Variants in FAM110B observed in about 807,000 individuals in gnomAD.
The protein encoded by FAM110B is family with sequence similarity 110 member B.
Under a neutral mutation model 20.4 loss-of-function variants are expected in FAM110B, and 6 were observed. The ratio of observed to expected loss-of-function variants is 0.29; its 90% confidence interval spans 0.16 to 0.58. FAM110B has a LOEUF of 0.58. Ranked by LOEUF, FAM110B falls within the 20% of genes least tolerant of loss-of-function variation. The pLI, the probability that FAM110B is intolerant of heterozygous loss-of-function variation, is 0.90. For missense variants in FAM110B, 434 were observed against 498.2 expected, an observed-to-expected ratio of 0.87 and a Z score of 1.23; for synonymous variants, 226 against 214.1, an observed-to-expected ratio of 1.06 and a Z score of -0.49.
intron 3 of FAM110B, among the ~76,000 whole-genome samples, chr8:58,094,042 C>T (rs926352206): frequency 1.8e-4 from 28 of 152,206 alleles, no homozygotes; most frequent in South Asian, 2.1e-4. Flanking sequence ...TGATTTGGCT[C>T]TCTGTTTGTC....
chr8:58,019,190 T>C (rs939715622), intron 1 of FAM110B, among the ~76,000 whole-genome samples: 1 of 151,570 alleles, frequency 6.6e-6, no homozygotes, highest in African/African-American at 2.4e-5. Context: ...ATATAAACAT[T>C]AGCTGGGTGT....
chr8:58,084,735 A>G (rs1806289875), intron 3 of FAM110B, among the ~76,000 whole-genome samples: 1 of 152,010 alleles, frequency 6.6e-6, no homozygotes, highest in African/African-American at 2.4e-5. Flanking sequence ...TCTTACCACC[A>G]TGTACACCTT....
chr8:58,032,797 C>T (rs1044540185), intron 2 of FAM110B: 2 of 152,174 alleles, frequency 1.3e-5, no homozygotes, highest in African/African-American at 4.8e-5. Context: ...GCAAGGTGAA[C>T]ACCCTTATCT....
chr8:58,103,283 T>G (rs1454066352), intron 3 of FAM110B, among the ~76,000 whole-genome samples: 1 of 151,876 alleles, frequency 6.6e-6, no homozygotes, highest in Non-Finnish European at 1.5e-5. Context: ...TAACTCGTCA[T>G]CTAGCATTAG....
chr8:58,136,470 G>A (rs1279963902), intron 3 of FAM110B, among the ~76,000 whole-genome samples: 1 of 152,122 alleles, frequency 6.6e-6, no homozygotes, highest in Non-Finnish European at 1.5e-5. Flanking sequence ...AGGAAACACT[G>A]GCAGAAAGGG....
chr8:58,137,988 A>G (rs531650338), intron 3 of FAM110B, among the ~76,000 whole-genome samples: 15 of 152,344 alleles, frequency 9.8e-5, no homozygotes, highest in Non-Finnish European at 1.6e-4. Context: ...CCTGTGAAGA[A>G]GAAGCATCAT....
intron 2 of FAM110B, among the ~76,000 whole-genome samples, chr8:58,041,297 G>C (rs1181986702): frequency 6.6e-6 from 1 of 152,120 alleles, no homozygotes; most frequent in Non-Finnish European, 1.5e-5. Flanking sequence ...CAGATGAAGG[G>C]AGTGAACATT....
At chr8:58,070,058 C>A (rs577255571) in intron 2 of FAM110B, 1 of 152,174 alleles carries the variant, frequency 6.6e-6, no homozygotes, top group Non-Finnish European at 1.5e-5. Context: ...TGCTAGCAAA[C>A]CAGCTATAAT....
chr8:57,999,583 C>G (rs1804253270), intron 1 of FAM110B, among the ~76,000 whole-genome samples: 1 of 151,814 alleles, frequency 6.6e-6, no homozygotes, highest in South Asian at 2.1e-4. Context: ...TGCAAAAGAA[C>G]ATAGTTTACT....
chr8:57,995,774 A>G (rs1186597994), intron 1 of FAM110B, among the ~76,000 whole-genome samples: 2 of 152,248 alleles, frequency 1.3e-5, no homozygotes, highest in Non-Finnish European at 2.9e-5. Context: ...AGAAAAGTGC[A>G]GGCTTTCTTT....
At chr8:58,113,407 T>A (rs2150621079) in intron 3 of FAM110B, 1 of 203,836 alleles carries the variant, frequency 4.9e-6, no homozygotes, top group South Asian at 9.4e-5. Flanking sequence ...CCTGTAAACC[T>A]TGACTGTTTT....
chr8:58,115,333 C>T (rs979444947), intron 3 of FAM110B, among the ~76,000 whole-genome samples: 2 of 152,190 alleles, frequency 1.3e-5, no homozygotes, highest in Non-Finnish European at 2.9e-5. Flanking sequence ...CGTGCAGAGA[C>T]ATACATACAA....
Position 58,147,437 on chromosome 8 carries a change from C to G in FAM110B, c.*94C>G. 7.1e-7 allele frequency: 1 copy of G among 1,406,640 alleles called. No individual in the cohort carries two copies. The highest frequency in any genetic ancestry group is 1.4e-5 in the South Asian group (1 of 71,534). 87.1% of individuals were successfully genotyped at this position (1,406,640 alleles called of 1,614,324 possible). On this transcript the variant is annotated 3_prime_UTR_variant, in exon 4 of 4. Transcript: ENST00000519262. ...TTGAAGTGTTGTGAGCTTCTCCACT[C>G]TTTGTGTTGCTTGTTGTGCAATGTT...
chr8:58,048,905 A>C (rs938410777), intron 2 of FAM110B, among the ~76,000 whole-genome samples: 4 of 152,258 alleles, frequency 2.6e-5, no homozygotes, highest in East Asian at 1.9e-4. Context: ...CCTTTTAAAA[A>C]TAAATGCCAA....
At chr8:58,033,963 G>A (rs982358390) in intron 2 of FAM110B, among the ~76,000 whole-genome samples, 6 of 151,904 alleles carry the variant, frequency 3.9e-5, no homozygotes, top group African/African-American at 1.2e-4. Context: ...ACCTCCCCAC[G>A]CGCCCTTGGA....
chr8:58,065,966 AT>A (rs1805751430), intron 2 of FAM110B, among the ~76,000 whole-genome samples: 1 of 152,146 alleles, frequency 6.6e-6, no homozygotes, highest in Non-Finnish European at 1.5e-5. Flanking sequence ...ATAGGAGTAA[AT>A]AAATACTAGT....
At chr8:58,039,142 GC>G (rs952567656) in intron 2 of FAM110B, among the ~76,000 whole-genome samples, 3 of 152,196 alleles carry the variant, frequency 2.0e-5, no homozygotes, top group African/African-American at 7.2e-5. Flanking sequence ...GAGCCAGATC[GC>G]CGGGTGCCAG....
rs775311156 is a variant in FAM110B at position 58,146,990 on chromosome 8, C to A, written c.760C>A (p.Pro254Thr). The A allele has an allele frequency of 6.2e-7, 1 of 1,614,216 alleles. No homozygotes were observed. Among genetic ancestry groups the A allele is most frequent in the Non-Finnish European group, 8.5e-7 (1 of 1,180,052 alleles). ...VEPACGVSRR[P>T]SLQRSKSDLS... ...ACCAGCTTGTGGAGTCAGCCGAAGACCCTCCCTCCAGCGGTCTAAGTCAGA... is the reference window on the plus strand; with the variant it reads ...ACCAGCTTGTGGAGTCAGCCGAAGAACCTCCCTCCAGCGGTCTAAGTCAGA... Residue 254 changes from proline to threonine, a missense_variant, in exon 4 of 4, where the codon CCC (proline) becomes ACC (threonine). Around this residue, in one of 3 missense-constraint regions of FAM110B, gnomAD observed 284 missense variants for 278.3 expected, o/e 1.02. Transcript: ENST00000519262.
intron 1 of FAM110B, among the ~76,000 whole-genome samples, chr8:58,024,617 C>G (rs955190745): frequency 2.6e-5 from 4 of 152,228 alleles, no homozygotes; most frequent in Non-Finnish European, 5.9e-5. Context: ...TAACACAACT[C>G]TGCCTTACTC....
Sources: gnomAD v4.1 joint callset for allele counts (sites outside exome capture counted in the v4.1 genomes callset) on GRCh38, gnomAD v4.1.1 for gene constraint, gnomAD v4.1.1 regional missense constraint, MANE v1.5 for transcripts, NCBI Gene and HGNC (gene_info 2026-07-23, HGNC 2026-07-21) for gene names.